The following ADAM12 variants were observed in gnomAD, a reference collection of about 807,000 sequenced individuals.
The protein encoded by ADAM12 is disintegrin and metalloproteinase domain-containing protein 12.
In ADAM12, 70 loss-of-function variants were observed where a neutral mutation model predicts 106.4. That is an observed-to-expected ratio of 0.66 (90% CI 0.54 to 0.80). ADAM12 has a LOEUF of 0.80. Ranked by LOEUF, ADAM12 falls within the 30% of genes least tolerant of loss-of-function variation. The pLI is 0.00. For synonymous variants in ADAM12, 420 were observed against 433.5 expected (o/e 0.97, Z 0.39); for missense variants, 1,010 against 1,171.9 (o/e 0.86, Z 2.02).
chr10:126,056,283 A>G (rs1002451674), intron 14 of ADAM12, among the ~76,000 whole-genome samples: 2 of 152,206 alleles, frequency 1.3e-5, no homozygotes, highest in African/African-American at 4.8e-5. Flanking sequence ...AGGCACAGCA[A>G]TGATAGGGCT....
chr10:126,230,142 G>T (rs530590236), intron 3 of ADAM12, among the ~76,000 whole-genome samples: 137 of 152,194 alleles, frequency 9.0e-4, no homozygotes, highest in African/African-American at 3.3e-3. Flanking sequence ...TTCCTTTTCT[G>T]TGTGATCTTC....
intron 3 of ADAM12, among the ~76,000 whole-genome samples, chr10:126,215,461 G>T (rs1450595151): frequency 6.6e-6 from 1 of 152,126 alleles, no homozygotes; most frequent in African/African-American, 2.4e-5. Context: ...TCAGCTCAGG[G>T]CCCCCCCGAA....
At chr10:126,247,331 C>A (rs909821337) in intron 3 of ADAM12, among the ~76,000 whole-genome samples, 3 of 152,180 alleles carry the variant, frequency 2.0e-5, no homozygotes, top group Non-Finnish European at 4.4e-5. Flanking sequence ...CTCTTCTCAC[C>A]CTTTTCCTAG....
intron 22 of ADAM12, among the ~76,000 whole-genome samples, chr10:126,019,145 C>CT (rs1336629980): frequency 6.6e-6 from 1 of 152,124 alleles, no homozygotes; most frequent in Non-Finnish European, 1.5e-5. Context: ...GGCACCTCCC[C>CT]TTTTTCTCTT....
intron 5 of ADAM12, among the ~76,000 whole-genome samples, chr10:126,134,920 A>G (rs966592223): frequency 8.8e-6 from 1 of 113,376 alleles, no homozygotes; most frequent in Non-Finnish European, 2.1e-5. Flanking sequence ...CAAATCCAGT[A>G]AAAAGGCTGA....
At chr10:126,110,174 A>G (rs542291274) in intron 6 of ADAM12, among the ~76,000 whole-genome samples, 81 of 152,284 alleles carry the variant, frequency 5.3e-4, no homozygotes, top group Non-Finnish European at 9.6e-4. Context: ...TCTCTAGAAC[A>G]GGAGCCAGTC....
intron 2 of ADAM12, among the ~76,000 whole-genome samples, chr10:126,295,944 C>CAT: frequency 6.6e-6 from 1 of 151,756 alleles, no homozygotes. Context: ...CACACACACA[C>CAT]ATAAACACAC....
At chr10:126,387,429 A>G (rs982601496) in intron 1 of ADAM12, among the ~76,000 whole-genome samples, 1 of 88,868 alleles carries the variant, frequency 1.1e-5, no homozygotes, top group Non-Finnish European at 2.9e-5. Context: ...GAATTCCGCT[A>G]AAGTTTGCCT....
In ADAM12 at chr10:126,043,295, G is replaced by A. The variant is rs751051711; in HGVS notation, c.1996-147C>T. 5.5e-6 allele frequency: 4 copies of A among 731,334 alleles called. No individual in the cohort carries two copies. The highest frequency in any genetic ancestry group is 9.0e-6 in the Non-Finnish European group (4 of 444,974). The allele number at this position is 731,334 out of a possible 1,614,324, so 45.3% of individuals were successfully genotyped here. ...ACGCCATGGTGCGAATAAGCCCAAA[G>A]CCGGCACTACACACCACACAGGGGC... is the stretch of plus-strand genomic sequence containing the variant. On this transcript the variant is annotated intron_variant, in intron 17 of 22. Transcript: ENST00000448723. This position sits in a 1 kb window ranked among gnomAD's most constrained non-coding sequence, Gnocchi z 4.1.
chr10:126,017,122 A>T lies in ADAM12; in HGVS notation c.*157T>A. On this transcript the variant is annotated 3_prime_UTR_variant, in exon 23 of 23. Transcript: ENST00000448723. ...CCTGAGCAAGTAGACAGAGCACCAT[A>T]GCACAGCACAGCACTGACGGCAGTA... 1 of 638,100 alleles carries T rather than the reference A, an allele frequency of 1.6e-6. No individual in the cohort carries two copies. The highest frequency in any genetic ancestry group is 2.7e-6 in the Non-Finnish European group (1 of 365,792). 39.5% of individuals were successfully genotyped at this position (638,100 alleles called of 1,614,324 possible). A position where few individuals can be genotyped will look rare whatever the true frequency, so the allele number is the denominator to read the frequency against.
chr10:126,274,123 G>A (rs983241164), intron 3 of ADAM12, among the ~76,000 whole-genome samples: 1 of 152,138 alleles, frequency 6.6e-6, no homozygotes, highest in African/African-American at 2.4e-5. Context: ...ACTCATTTGA[G>A]GAGTGCTCAT....
chr10:126,350,814 T>A (rs559810167), intron 1 of ADAM12, among the ~76,000 whole-genome samples: 10 of 152,260 alleles, frequency 6.6e-5, no homozygotes, highest in African/African-American at 2.4e-4. Flanking sequence ...TGGCCAGAAT[T>A]CACGCCTCTG....
At chr10:126,109,196 G>T (rs900329615) in intron 7 of ADAM12, among the ~76,000 whole-genome samples, 3 of 152,158 alleles carry the variant, frequency 2.0e-5, no homozygotes, top group African/African-American at 4.8e-5. Context: ...TTCATTCATA[G>T]GTGTTGAAAG....
At chr10:126,270,390 G>A (rs578240076) in intron 3 of ADAM12, among the ~76,000 whole-genome samples, 2 of 152,312 alleles carry the variant, frequency 1.3e-5, no homozygotes, top group African/African-American at 2.4e-5. Flanking sequence ...CCAATGGGCT[G>A]GAATTTCCCT....
chr10:126,230,768 A>G (rs1958294454), intron 3 of ADAM12, among the ~76,000 whole-genome samples: 1 of 152,208 alleles, frequency 6.6e-6, no homozygotes, highest in South Asian at 2.1e-4. Context: ...TATATTCACT[A>G]TATTTATGCT....
intron 1 of ADAM12, among the ~76,000 whole-genome samples, chr10:126,344,974 G>GAC (rs763807411): frequency 1.4e-4 from 21 of 152,136 alleles, no homozygotes; most frequent in Non-Finnish European, 2.9e-4. Flanking sequence ...TGCAAACAGG[G>GAC]ACAATTTGAC....
At chr10:126,353,883 C>T (rs1368601269) in intron 1 of ADAM12, among the ~76,000 whole-genome samples, 1 of 152,138 alleles carries the variant, frequency 6.6e-6, no homozygotes, top group African/African-American at 2.4e-5. Context: ...GCATATTTTC[C>T]AGGGATAATA....
intron 1 of ADAM12, among the ~76,000 whole-genome samples, chr10:126,352,352 T>C (rs1274260882): frequency 1.3e-5 from 2 of 152,334 alleles, no homozygotes; most frequent in South Asian, 2.1e-4. Flanking sequence ...GATACTGGCC[T>C]ATTTAGAATA....
At chr10:126,372,349 C>T (rs888794419) in intron 1 of ADAM12, among the ~76,000 whole-genome samples, 1 of 152,218 alleles carries the variant, frequency 6.6e-6, no homozygotes, top group Non-Finnish European at 1.5e-5. Flanking sequence ...CAACCTCTCC[C>T]TCATTTGGAA....
Sources: allele counts gnomAD v4.1 joint callset (sites outside exome capture counted in the v4.1 genomes callset), GRCh38; gene constraint gnomAD v4.1.1; non-coding constraint Gnocchi (gnomAD v3.1); transcripts MANE v1.5; gene names NCBI Gene and HGNC (gene_info 2026-07-23, HGNC 2026-07-21).